CABCOCO1: variants seen among roughly 807,000 people sequenced by gnomAD.
The protein encoded by CABCOCO1 is ciliary associated calcium binding coiled-coil 1, also known as ciliary-associated calcium-binding coiled-coil protein 1.
Under a neutral mutation model 35.7 loss-of-function variants are expected in CABCOCO1, and 28 were observed. The observed-to-expected ratio is 0.78, with a 90% CI of 0.58 to 1.07. The LOEUF (loss-of-function observed/expected upper bound fraction) is 1.07. Among genes scored for constraint, CABCOCO1 ranks in the 50% least tolerant of loss-of-function variants. The pLI is 0.00. For synonymous variants in CABCOCO1, 95 were observed against 100.1 expected, an observed-to-expected ratio of 0.95 and a Z score of 0.30; for missense variants, 326 against 309.2, an observed-to-expected ratio of 1.05 and a Z score of -0.41.
chr10:61,676,878 G>C (rs902170936), intron 2 of CABCOCO1, among the ~76,000 whole-genome samples: 1 of 151,734 alleles, frequency 6.6e-6, no homozygotes, highest in Non-Finnish European at 1.5e-5. Flanking sequence ...TGGCTAACAC[G>C]GTGAAACCCC....
intron 5 of CABCOCO1, among the ~76,000 whole-genome samples, chr10:61,717,225 T>C (rs17281372): frequency 0.32 from 47,963 of 151,998 alleles, 8,972 homozygotes; most frequent in Middle Eastern, 0.43. Context: ...GTTGGCTACA[T>C]GGTGAGGGAA....
chr10:61,728,062 T>C (rs1056966145), intron 5 of CABCOCO1, among the ~76,000 whole-genome samples: 11 of 152,222 alleles, frequency 7.2e-5, no homozygotes, highest in Non-Finnish European at 1.5e-4. Flanking sequence ...TATTTTTAGA[T>C]ATAATTTCAA....
intron 5 of CABCOCO1, 58 bp from the exon 6 acceptor site, chr10:61,760,001 G>A (rs1278548880): frequency 3.7e-6 from 6 of 1,601,114 alleles, no homozygotes; most frequent in Middle Eastern, 1.7e-4. Context: ...GGAACTGACC[G>A]AAACTGTGGT....
intron 5 of CABCOCO1, among the ~76,000 whole-genome samples, chr10:61,702,606 C>T (rs541550376): frequency 5.3e-5 from 8 of 152,082 alleles, no homozygotes; most frequent in South Asian, 2.1e-4. Flanking sequence ...TTTTATTGAT[C>T]GCTTTTTTTA....
At chr10:61,742,492 A>G (rs961276209) in intron 5 of CABCOCO1, among the ~76,000 whole-genome samples, 1 of 152,200 alleles carries the variant, frequency 6.6e-6, no homozygotes, top group Non-Finnish European at 1.5e-5. Context: ...AGTGGATAAG[A>G]GCCCAGATTT....
At position 61,760,865 on chromosome 10, in the gene CABCOCO1, G is replaced by A; in HGVS notation, c.678G>A (p.Arg226=). Residue 226 remains arginine, a splice_region_variant and synonymous_variant, in exon 7 of 8, where the codon AGG becomes AGA. Coordinates refer to ENST00000648843, the MANE Select transcript of CABCOCO1 (RefSeq NM_001366906.2). The part of the protein sequence containing the change: ...PPTILDTEMK[R]LDQEQGPEES... ...GCTATTTACTTTCAATATTCTAGAG[G>A]TTGGATCAAGAACAAGGCCCTGAGG... The A allele has an allele frequency of 1.2e-6, 2 of 1,611,072 alleles. No homozygotes were observed. Among genetic ancestry groups the A allele is most frequent in the Non-Finnish European group, 8.5e-7 (1 of 1,178,510 alleles).
At chr10:61,725,619 G>T (rs1841130025) in intron 5 of CABCOCO1, among the ~76,000 whole-genome samples, 1 of 143,556 alleles carries the variant, frequency 7.0e-6, no homozygotes, top group African/African-American at 2.6e-5. Flanking sequence ...TGGGGTAGGG[G>T]GAGGGGGGAG....
chr10:61,702,758 T>C (rs996755753), intron 5 of CABCOCO1, among the ~76,000 whole-genome samples: 1 of 152,152 alleles, frequency 6.6e-6, no homozygotes, highest in Non-Finnish European at 1.5e-5. Flanking sequence ...AGATATGCAC[T>C]GTGCATGAAA....
intron 5 of CABCOCO1, among the ~76,000 whole-genome samples, chr10:61,745,643 G>A (rs1841639507): frequency 6.6e-6 from 1 of 152,142 alleles, no homozygotes; most frequent in Admixed American, 6.6e-5. Flanking sequence ...TTTTGCACAT[G>A]GAACGCACAC....
chr10:61,695,302 A>T (rs1387522581), intron 5 of CABCOCO1, among the ~76,000 whole-genome samples: 1 of 151,974 alleles, frequency 6.6e-6, no homozygotes, highest in African/African-American at 2.4e-5. Flanking sequence ...AATCAAAAAA[A>T]AAAAATCTAA....
intron 5 of CABCOCO1, among the ~76,000 whole-genome samples, chr10:61,693,627 A>G (rs1161218609): frequency 6.6e-6 from 1 of 152,110 alleles, no homozygotes; most frequent in East Asian, 1.9e-4. Flanking sequence ...TGACATCACA[A>G]AAAGAAAACC....
rs114376624 is a variant in CABCOCO1 at position 61,697,594 on chromosome 10, A to G, written c.552+6973A>G. On this transcript the variant is annotated intron_variant, in intron 5 of 7. Transcript: ENST00000648843. ...TTTTGGGTAGTTGGGTGGAAATAGG[A>G]ATGGAATAGGATGTGAAAAGGGACA... is the stretch of plus-strand genomic sequence containing the variant. Among the ~76,000 whole-genome samples, 1,300 of 152,222 alleles carry G rather than the reference A, an allele frequency of 8.5e-3. 17 individuals carry two copies. Among genetic ancestry groups the G allele is most frequent in the African/African-American group, 0.029 (1,199 of 41,562 alleles).
chr10:61,725,996 G>T (rs1453907026), intron 5 of CABCOCO1, among the ~76,000 whole-genome samples: 1 of 152,144 alleles, frequency 6.6e-6, no homozygotes. Context: ...TATCAGATCA[G>T]CAACTTTGTA....
rs1423794889 is a variant in CABCOCO1, at chr10:61,680,318, AT to A, written c.165-824del. On this transcript the variant is annotated intron_variant, in intron 2 of 7. Transcript: ENST00000648843. ...GAAGCAAGGCCCTGTCTCAAAAAAA[AT>A]ATATATATATATATTTATATACATA... Among the ~76,000 whole-genome samples, 85 of 131,046 alleles carry A rather than the reference AT, an allele frequency of 6.5e-4. 1 individual carries two copies. Among genetic ancestry groups the A allele is most frequent in the Middle Eastern group, 4.0e-3 (1 of 248 alleles). The allele number at this position is 131,046 out of a possible 152,430, so 86.0% of individuals were successfully genotyped here. A position where few individuals can be genotyped will look rare whatever the true frequency, so the allele number is the denominator to read the frequency against.
intron 5 of CABCOCO1, among the ~76,000 whole-genome samples, chr10:61,748,837 C>T (rs998769413): frequency 9.9e-5 from 15 of 152,162 alleles, no homozygotes; most frequent in Non-Finnish European, 1.9e-4. Flanking sequence ...AGCCAATGCA[C>T]CCCTGGGCCT....
intron 5 of CABCOCO1, among the ~76,000 whole-genome samples, chr10:61,720,033 G>A (rs1840964195): frequency 6.6e-6 from 1 of 151,826 alleles, no homozygotes; most frequent in South Asian, 2.1e-4. Context: ...AACATGCATA[G>A]GACTGCCGTC....
intron 7 of CABCOCO1, among the ~76,000 whole-genome samples, chr10:61,763,702 A>G (rs926521609): frequency 2.6e-4 from 40 of 151,918 alleles, no homozygotes; most frequent in Admixed American, 2.6e-3. Flanking sequence ...TTTTAGGTCA[A>G]CTTGAATTTT....
At chr10:61,708,344 A>G (rs1053680157) in intron 5 of CABCOCO1, among the ~76,000 whole-genome samples, 1 of 151,908 alleles carries the variant, frequency 6.6e-6, no homozygotes, top group Non-Finnish European at 1.5e-5. Context: ...ATAGTCAAGG[A>G]CAATTTACTT....
chr10:61,730,249 A>G (rs781094854), intron 5 of CABCOCO1, among the ~76,000 whole-genome samples: 1 of 152,046 alleles, frequency 6.6e-6, no homozygotes, highest in Non-Finnish European at 1.5e-5. Context: ...GGGCTGGAAT[A>G]TGTTATCATG....
Sources: gnomAD v4.1 joint callset for allele counts (sites outside exome capture counted in the v4.1 genomes callset) on GRCh38, gnomAD v4.1.1 for gene constraint, MANE v1.5 for transcripts, NCBI Gene and HGNC (gene_info 2026-07-23, HGNC 2026-07-21) for gene names.